Variants in STPG2 observed in about 807,000 individuals in gnomAD.
STPG2 encodes sperm tail PG-rich repeat containing 2.
STPG2 carries 56 observed loss-of-function variants against 54.2 expected under a neutral mutation model. The ratio of observed to expected loss-of-function variants is 1.03; its 90% CI spans 0.83 to 1.29. The LOEUF is 1.29. Among genes scored for constraint, STPG2 ranks in the 50% most tolerant of loss-of-function variants. The probability of loss-of-function intolerance (pLI) is 0.00; values close to 1 mark genes in which losing one functional copy is unlikely to be tolerated. For missense variants in STPG2, 596 were observed against 544.9 expected (o/e 1.09, Z -0.93); for synonymous variants, 200 against 181.8 (o/e 1.10, Z -0.81).
intron 8 of STPG2, among the ~76,000 whole-genome samples, chr4:97,915,741 A>G (rs1343402321): frequency 6.6e-6 from 1 of 152,148 alleles, no homozygotes; most frequent in East Asian, 1.9e-4. Flanking sequence ...ATAAGGCTGG[A>G]AAGTGATGCA....
rs115193665 is a variant in STPG2, at chr4:97,628,089, G to A, written c.1321-68972C>T. Among the ~76,000 whole-genome samples the A allele has an allele frequency of 3.3e-3, 501 of 152,234 alleles. 3 individuals carry two copies. Among genetic ancestry groups the A allele is most frequent in the African/African-American group, 0.011 (473 of 41,548 alleles). On this transcript the variant is annotated intron_variant, in intron 10 of 10. Transcript: ENST00000295268. ...CTATTATAGACACATCAGAAATAAT[G>A]TTTAATCTGGGCACCTCATGTCCCA...
intron 10 of STPG2, among the ~76,000 whole-genome samples, chr4:97,697,084 A>C (rs1269407010): frequency 6.6e-6 from 1 of 152,228 alleles, no homozygotes. Context: ...TGCATGCCAC[A>C]GCCACACTAT....
chr4:98,074,594 AC>A (rs767005398), intron 5 of STPG2, among the ~76,000 whole-genome samples: 2 of 152,094 alleles, frequency 1.3e-5, no homozygotes, highest in Non-Finnish European at 2.9e-5. Context: ...TCATTTCTAT[AC>A]CTTCTATTCT....
intron 5 of STPG2, among the ~76,000 whole-genome samples, chr4:97,983,148 TC>T (rs1271037302): frequency 1.3e-5 from 2 of 152,180 alleles, no homozygotes; most frequent in Admixed American, 6.5e-5. Flanking sequence ...CTCTTCTTCC[TC>T]CTCCTAGTCT....
At chr4:98,024,794 A>G (rs1246544009) in intron 5 of STPG2, among the ~76,000 whole-genome samples, 1 of 152,190 alleles carries the variant, frequency 6.6e-6, no homozygotes, top group Non-Finnish European at 1.5e-5. Context: ...AGTTTGTTTT[A>G]CAAGAATATC....
chr4:97,862,109 T>G (rs1445000973), intron 8 of STPG2, among the ~76,000 whole-genome samples: 1 of 151,986 alleles, frequency 6.6e-6, no homozygotes, highest in Non-Finnish European at 1.5e-5. Context: ...AATTACCCAA[T>G]TAAAAGACAC....
At chr4:97,486,592 A>G (rs1273529429) in intron 4 of STPG2, among the ~76,000 whole-genome samples, 1 of 151,730 alleles carries the variant, frequency 6.6e-6, no homozygotes, top group African/African-American at 2.4e-5. Context: ...TACAGCCACT[A>G]TGGAAAACAG....
At chr4:97,964,794 T>C (rs1385064543) in intron 7 of STPG2, among the ~76,000 whole-genome samples, 1 of 152,222 alleles carries the variant, frequency 6.6e-6, no homozygotes, top group Admixed American at 6.5e-5. Context: ...AATTCAGTTA[T>C]TACTTGTACT....
intron 5 of STPG2, among the ~76,000 whole-genome samples, chr4:98,018,911 C>T (rs1219799065): frequency 6.6e-6 from 1 of 151,380 alleles, no homozygotes; most frequent in African/African-American, 2.4e-5. Context: ...GTAGATTCTG[C>T]ATATTAGCCC....
At chr4:97,528,036 C>T (rs1208334817) in intron 4 of STPG2, among the ~76,000 whole-genome samples, 5 of 152,124 alleles carry the variant, frequency 3.3e-5, no homozygotes, top group Non-Finnish European at 5.9e-5. Flanking sequence ...GCTTTTGTTG[C>T]CATTGCTTTT....
intron 4 of STPG2, among the ~76,000 whole-genome samples, chr4:97,532,194 G>C (rs1449081638): frequency 6.6e-6 from 1 of 151,896 alleles, no homozygotes; most frequent in Non-Finnish European, 1.5e-5. Context: ...TAGTAATAAT[G>C]CAATTACCTT....
intron 10 of STPG2, among the ~76,000 whole-genome samples, chr4:97,623,202 T>C (rs1009130232): frequency 1.3e-5 from 2 of 152,022 alleles, no homozygotes; most frequent in Non-Finnish European, 2.9e-5. Flanking sequence ...ACATAGGACC[T>C]GGCAAAGATT....
At chr4:98,066,391 C>G (rs539529411) in intron 5 of STPG2, among the ~76,000 whole-genome samples, 2 of 152,072 alleles carry the variant, frequency 1.3e-5, no homozygotes, top group South Asian at 4.1e-4. Flanking sequence ...GAGTTTGATA[C>G]CAGCCTGGCC....
At chr4:97,567,195 C>CACACAA (rs1243351478) in intron 10 of STPG2, among the ~76,000 whole-genome samples, 1 of 145,082 alleles carries the variant, frequency 6.9e-6, no homozygotes, top group African/African-American at 2.5e-5. Context: ...CTGTAACACA[C>CACACAA]ACACACACAC....
chr4:97,929,193 C>A (rs1486929737), intron 8 of STPG2, among the ~76,000 whole-genome samples: 1 of 152,104 alleles, frequency 6.6e-6, no homozygotes, highest in East Asian at 1.9e-4. Context: ...TCCATGTTCC[C>A]ACAAAGGCAG....
chr4:97,740,961 C>G (rs138315068), intron 9 of STPG2, among the ~76,000 whole-genome samples: 6,110 of 152,228 alleles, frequency 0.04, 402 homozygotes, highest in African/African-American at 0.14. Context: ...TGACTTCAAA[C>G]TATACTACAA....
intron 9 of STPG2, among the ~76,000 whole-genome samples, chr4:97,747,261 A>G (rs1243941022): frequency 2.6e-5 from 4 of 151,324 alleles, no homozygotes; most frequent in Non-Finnish European, 5.9e-5. Flanking sequence ...AAAACTTCAT[A>G]TTAGTTATTT....
intron 9 of STPG2, among the ~76,000 whole-genome samples, chr4:97,824,392 G>C (rs542660032): frequency 6.6e-6 from 1 of 152,062 alleles, no homozygotes; most frequent in Non-Finnish European, 1.5e-5. Context: ...TAAAAATCAT[G>C]GTTTATCTCC....
At chr4:97,919,782 G>T (rs1384328302) in intron 8 of STPG2, among the ~76,000 whole-genome samples, 3 of 152,076 alleles carry the variant, frequency 2.0e-5, no homozygotes, top group African/African-American at 7.2e-5. Flanking sequence ...AACTCTTCCA[G>T]TGAATTCAGG....
Sources: allele counts gnomAD v4.1 joint callset (sites outside exome capture counted in the v4.1 genomes callset), GRCh38; gene constraint gnomAD v4.1.1; transcripts MANE v1.5; gene names NCBI Gene and HGNC (gene_info 2026-07-23, HGNC 2026-07-21).